Variants in PPEF2 observed in about 807,000 individuals in gnomAD.
PPEF2 encodes the protein serine/threonine-protein phosphatase with EF-hands 2.
A neutral mutation model predicts 84.7 loss-of-function variants in PPEF2; 84 were observed. The observed-to-expected ratio is 0.99, with a 90% CI of 0.83 to 1.19. The LOEUF is 1.19. Among genes scored for constraint, PPEF2 ranks in the 50% most tolerant of loss-of-function variants. The pLI is 0.00. For missense variants in PPEF2, 924 were observed against 937.5 expected (o/e 0.99, Z 0.19); for synonymous variants, 346 against 345.2 (o/e 1.00, Z -0.03).
chr4:75,882,406 A>G (rs1016526462), intron 10 of PPEF2, among the ~76,000 whole-genome samples: 1 of 152,330 alleles, frequency 6.6e-6, no homozygotes, highest in Non-Finnish European at 1.5e-5. Context: ...ATTGAGAGGT[A>G]GTATTTAGAA....
chr4:75,861,614 G>GTTTTTTTTTT (rs71210216), intron 16 of PPEF2, among the ~76,000 whole-genome samples: 6 of 86,170 alleles, frequency 7.0e-5, no homozygotes, highest in Admixed American at 3.8e-4. Flanking sequence ...TTATGCAACA[G>GTTTTTTTTTT]TTTTTTTTTT....
At chr4:75,862,524 A>C (rs1410950088) in intron 16 of PPEF2, among the ~76,000 whole-genome samples, 1 of 149,344 alleles carries the variant, frequency 6.7e-6, no homozygotes, top group African/African-American at 2.6e-5. Context: ...AGAGATATAC[A>C]AATGGCCAAT....
intron 10 of PPEF2, among the ~76,000 whole-genome samples, chr4:75,879,981 A>G (rs1724524595): frequency 1.3e-5 from 2 of 151,906 alleles, no homozygotes; most frequent in Non-Finnish European, 2.9e-5. Flanking sequence ...GGCGCGCGTC[A>G]CCACATCCAG....
rs1346883505 is a variant in PPEF2 at position 75,883,177 on chromosome 4, T to C, written c.772A>G (p.Asn258Asp). The C allele has an allele frequency of 6.2e-7, 1 of 1,613,862 alleles. No homozygotes were observed. The highest frequency in any genetic ancestry group is 8.5e-7 in the Non-Finnish European group (1 of 1,179,890). The change falls in exon 9 of 17, where the codon AAT (asparagine) becomes GAT (aspartate). Residue 258 changes from asparagine (N) to aspartate (D), a missense_variant. By Grantham distance (23) the Asn-to-Asp change is conservative (BLOSUM62 1). Transcript: ENST00000286719. ...LRYGFTKEVM[N>D]KYKVHGKEIL... ...TAAAGGCAGCGCACCTTGTATTTAT[T>C]CATCACTTCCTTGGTGAAGCCATAT...
At chr4:75,865,493 T>A (rs1476860362) in intron 15 of PPEF2, among the ~76,000 whole-genome samples, 1 of 151,940 alleles carries the variant, frequency 6.6e-6, no homozygotes, top group Non-Finnish European at 1.5e-5. Context: ...GTTCAAGCAA[T>A]TCTCCCACCT....
At chr4:75,870,430 C>T (rs902949015) in intron 13 of PPEF2, among the ~76,000 whole-genome samples, 1 of 152,182 alleles carries the variant, frequency 6.6e-6, no homozygotes, top group Admixed American at 6.6e-5. Context: ...AAATAATGCA[C>T]TTTTACAGCA....
chr4:75,877,386 GA>G (rs33913831), intron 10 of PPEF2, among the ~76,000 whole-genome samples: 132,032 of 150,418 alleles, frequency 0.88, 60,513 homozygotes, highest in Non-Finnish European at 1. Context: ...AAGAGAGAAA[GA>G]AAGAAGAGGA....
intron 4 of PPEF2, 107 bp from the exon 5 acceptor site, chr4:75,890,239 A>C: frequency 8.0e-7 from 1 of 1,252,452 alleles, no homozygotes; most frequent in South Asian, 1.4e-5. Context: ...TAATCCCAGA[A>C]ATTTGCGGGG....
At chr4:75,900,271 A>T (rs1388048086) in intron 1 of PPEF2, among the ~76,000 whole-genome samples, 2 of 152,200 alleles carry the variant, frequency 1.3e-5, no homozygotes, top group Non-Finnish European at 2.9e-5. Flanking sequence ...TAAATTCAAA[A>T]ATGGTGGCAG....
chr4:75,875,068 A>AT (rs901529021), intron 11 of PPEF2, among the ~76,000 whole-genome samples: 9 of 150,540 alleles, frequency 6.0e-5, no homozygotes, highest in Admixed American at 4.6e-4. Context: ...TGCCTGGCTA[A>AT]TTTTTTTTTG....
At chr4:75,863,835 G>T (rs747519064) in intron 16 of PPEF2, among the ~76,000 whole-genome samples, 1 of 150,804 alleles carries the variant, frequency 6.6e-6, no homozygotes, top group Non-Finnish European at 1.5e-5. Context: ...GGCTATCTTC[G>T]ATGGTAATAT....
chr4:75,876,230 G>C (rs1724402855), intron 11 of PPEF2, 57 bp downstream of exon 11: 1 of 1,518,474 alleles, frequency 6.6e-7, no homozygotes, highest in South Asian at 1.3e-5. Flanking sequence ...CCCTGGAAGG[G>C]AGAGTTTTGA....
rs773898579 is a variant in PPEF2 at position 75,883,215 on chromosome 4, G to A, written c.747-13C>T. On this transcript the variant is annotated splice_polypyrimidine_tract_variant and intron_variant, in intron 8 of 16. Transcript: ENST00000286719. ...GGTGAAGCCATATCTAGATTTAGAA[G>A]CACAAATAGATATTAGAGTAAACTG... The A allele has an allele frequency of 2.5e-6, 4 of 1,609,964 alleles. No individual in the cohort carries two copies. Among genetic ancestry groups the A allele is most frequent in the South Asian group, 1.1e-5 (1 of 91,014 alleles).
intron 8 of PPEF2, 43 bp from the exon 9 acceptor site, chr4:75,883,245 ACAATAATCAGGG>A (rs1724625403): frequency 1.9e-6 from 3 of 1,563,746 alleles, no homozygotes; most frequent in Non-Finnish European, 1.8e-6. Context: ...AAACTGGGTG[ACAATAATCAGGG>A]CATAATCACA....
chr4:75,873,060 C>T, intron 12 of PPEF2, 67 bp downstream of exon 12: 1 of 1,449,758 alleles, frequency 6.9e-7, no homozygotes, highest in East Asian at 2.3e-5. Context: ...TTTGCTCATC[C>T]AGGCCTGAGC....
chr4:75,891,890 G>C lies in PPEF2; in HGVS notation c.144C>G (p.Phe48Leu). The change falls in exon 3 of 17, where the codon TTC (phenylalanine) becomes TTG (leucine). Residue 48 changes from phenylalanine to leucine, a missense_variant. By Grantham distance (22) the Phe-to-Leu change is conservative. Transcript: ENST00000286719. ...EMRRRCTWSI[F>L]QSIEYAGQQD... Reference sequence around the variant, plus strand: ...GCTGCCCAGCATATTCTATAGACTGGAAGATGCTCCAGGTGCAACGCCGCC... The same window carrying C: ...GCTGCCCAGCATATTCTATAGACTGCAAGATGCTCCAGGTGCAACGCCGCC... 1 of 1,614,100 alleles carries C rather than the reference G, an allele frequency of 6.2e-7. No individual in the cohort carries two copies. Among genetic ancestry groups the C allele is most frequent in the Non-Finnish European group, 8.5e-7 (1 of 1,179,976 alleles).
In PPEF2 at chr4:75,884,690, A is replaced by G. The variant is rs1724677425; in HGVS notation, c.650T>C (p.Val217Ala). The G allele has an allele frequency of 3.1e-6, 5 of 1,613,644 alleles. No homozygotes were observed. The highest frequency in any genetic ancestry group is 1.1e-5 in the South Asian group (1 of 91,020). Reference sequence around the variant, plus strand: ...GGCAAAAAGAATCATCAGGATCTCTACTGAATCCTTGCCTCGATCCACAAA... The same window carrying G: ...GGCAAAAAGAATCATCAGGATCTCTGCTGAATCCTTGCCTCGATCCACAAA... Reference protein sequence around the residue: ...GDFVDRGKDSVEILMILFAFM... With the variant: ...GDFVDRGKDSAEILMILFAFM... The change falls in exon 8 of 17, where the codon GTA becomes GCA. Residue 217 changes from valine to alanine, a missense_variant. Coordinates refer to ENST00000286719, the MANE Select transcript of PPEF2 (RefSeq NM_006239.3).
chr4:75,895,757 G>C (rs1317640333), intron 2 of PPEF2, among the ~76,000 whole-genome samples: 1 of 151,222 alleles, frequency 6.6e-6, no homozygotes, highest in African/African-American at 2.4e-5. Context: ...TTTTTTTGTA[G>C]AGATAGGATC....
chr4:75,863,490 A>C (rs1337486720), intron 16 of PPEF2, among the ~76,000 whole-genome samples: 2 of 110,356 alleles, frequency 1.8e-5, no homozygotes, highest in Admixed American at 1.1e-4. Context: ...ACAGAGGGAG[A>C]CTCCGTCTCA....
Sources: gnomAD v4.1 joint callset for allele counts (sites outside exome capture counted in the v4.1 genomes callset) on GRCh38, gnomAD v4.1.1 for gene constraint, MANE v1.5 for transcripts, NCBI Gene and HGNC (gene_info 2026-07-23, HGNC 2026-07-21) for gene names.